Variants in GGPS1 observed in about 807,000 individuals in gnomAD.
The protein encoded by GGPS1 is geranylgeranyl diphosphate synthase 1.
Under a neutral mutation model 28.1 loss-of-function variants are expected in GGPS1, and 15 were observed. The ratio of observed to expected loss-of-function variants is 0.53; its 90% confidence interval spans 0.36 to 0.82. The LOEUF is 0.82. GGPS1 is among the 40% of genes least tolerant of loss of function. The pLI, the probability that GGPS1 is intolerant of heterozygous loss-of-function variation, is 0.01. For missense variants in GGPS1, 284 were observed against 348.3 expected (o/e 0.82, Z 1.47); for synonymous variants, 138 against 122.4 (o/e 1.13, Z -0.84).
intron 2 of GGPS1, among the ~76,000 whole-genome samples, chr1:235,339,529 A>C (rs1675967006): frequency 6.6e-6 from 1 of 151,660 alleles, no homozygotes; most frequent in African/African-American, 2.4e-5. Flanking sequence ...GGAGGCCAAC[A>C]CAGGTGAATT....
upstream of GGPS1, chr1:235,327,998 C>A (rs947321536): frequency 3.3e-5 from 5 of 152,828 alleles, no homozygotes; most frequent in East Asian, 7.7e-4. Context: ...AAATCCCCCC[C>A]GGACTGGAGG....
rs1676090465 is a variant in GGPS1 at position 235,342,715 on chromosome 1, T to A, written c.846T>A (p.Pro282=). The change falls in exon 4 of 4, where the codon CCT becomes CCA. Residue 282 remains proline, a synonymous_variant. Transcript: ENST00000282841. ...AGATTGATGCACGTGGTGGGAACCC[T>A]GAGCTAGTAGCCTTAGTAAAACACT... ...YKQIDARGGN[P]ELVALVKHLS... is the part of the protein sequence containing the mutation. 1.2e-6 allele frequency: 2 copies of A among 1,607,486 alleles called. No homozygotes were observed. Among genetic ancestry groups the A allele is most frequent in the East Asian group, 4.5e-5 (2 of 44,840 alleles).
rs1197670841 is a variant in GGPS1 at position 235,342,279 on chromosome 1, C to T, written c.410C>T (p.Thr137Ile). Residue 137 changes from threonine (T) to isoleucine (I), a missense_variant, in exon 4 of 4, where the codon ACT (threonine) becomes ATT (isoleucine). Thr to Ile is a moderately conservative substitution (Grantham distance 89). Transcript: ENST00000282841. ...GLDIYWRDNY[T>I]CPTEEEYKAM... ...GATATTTACTGGAGGGATAATTACA[C>T]TTGTCCCACTGAAGAAGAATATAAA... 2 of 1,614,036 alleles carry T rather than the reference C, an allele frequency of 1.2e-6. No individual in the cohort carries two copies. The highest frequency in any genetic ancestry group is 1.7e-6 in the Non-Finnish European group (2 of 1,179,902).
chr1:235,336,267 T>C (rs980283430), intron 2 of GGPS1, among the ~76,000 whole-genome samples: 1 of 152,154 alleles, frequency 6.6e-6, no homozygotes, highest in Admixed American at 6.6e-5. Flanking sequence ...GGCGCATGCC[T>C]GTAGTCCCAG....
intron 2 of GGPS1, among the ~76,000 whole-genome samples, chr1:235,338,814 C>G (rs548293251): frequency 2.0e-5 from 3 of 152,078 alleles, no homozygotes; most frequent in Non-Finnish European, 4.4e-5. Flanking sequence ...TGCAGTAGGC[C>G]GTGATTGTGC....
chr1:235,332,021 T>C (rs1675731789), intron 1 of GGPS1, among the ~76,000 whole-genome samples: 1 of 152,184 alleles, frequency 6.6e-6, no homozygotes, highest in South Asian at 2.1e-4. Context: ...GCTGGAAAAG[T>C]GGAATGCTAG....
At chr1:235,341,567 C>G (rs1004630495) in intron 2 of GGPS1, 141 bp from the exon 3 acceptor site, 10 of 670,574 alleles carry the variant, frequency 1.5e-5, no homozygotes. Flanking sequence ...AAGGCAAGCT[C>G]TGCAGTAGGT....
Position 235,344,501 on chromosome 1 carries a change from CAAATT to C in GGPS1, c.*1733_*1737del, listed in dbSNP as rs532916278. 117 of 167,082 alleles carry C rather than the reference CAAATT, an allele frequency of 7.0e-4. No individual in the cohort carries two copies. The highest frequency in any genetic ancestry group is 2.7e-3 in the African/African-American group (113 of 41,550). 10.3% of individuals were successfully genotyped at this position (167,082 alleles called of 1,614,324 possible). A position where few individuals can be genotyped will look rare whatever the true frequency, so the allele number is the denominator to read the frequency against. On this transcript the variant is annotated 3_prime_UTR_variant, in exon 4 of 4. Transcript: ENST00000282841. ...AAAAATCTAACACTGACTATAGAAACAAATTAAAATGTCTACCTTTAAGTATAAAA... is the reference window on the plus strand; with the variant it reads ...AAAAATCTAACACTGACTATAGAAACAAAATGTCTACCTTTAAGTATAAAA...
chr1:235,332,358 G>A (rs765367395), intron 1 of GGPS1, among the ~76,000 whole-genome samples: 1 of 152,098 alleles, frequency 6.6e-6, no homozygotes, highest in Non-Finnish European at 1.5e-5. Context: ...TACACTTAAG[G>A]TAAGGGCTAT....
At chr1:235,333,580 C>T (rs72758088) in intron 1 of GGPS1, among the ~76,000 whole-genome samples, 1 of 147,330 alleles carries the variant, frequency 6.8e-6, no homozygotes, top group Non-Finnish European at 1.5e-5. Flanking sequence ...AAAAAAAAAA[C>T]AAAAGGACCT....
intron 2 of GGPS1, among the ~76,000 whole-genome samples, chr1:235,339,488 A>C (rs1283718633): frequency 6.6e-6 from 1 of 151,776 alleles, no homozygotes. Context: ...ACAAACAAAC[A>C]AACAAAAAAA....
chr1:235,342,665 G>A lies in GGPS1; in HGVS notation c.796G>A (p.Glu266Lys), dbSNP rs1180023731. 6.8e-6 allele frequency: 11 copies of A among 1,611,362 alleles called. No individual in the cohort carries two copies. The South Asian group carries it at 1.1e-4, about 16-fold the overall frequency. ...TGAATACACTCGTAATACCCTTAAA[G>A]AGCTTGAAGCTAAAGCCTATAAACA... The part of the protein sequence containing the change: ...SFEYTRNTLK[E>K]LEAKAYKQID... Residue 266 changes from glutamate to lysine, a missense_variant, in exon 4 of 4, where the codon GAG (glutamate) becomes AAG (lysine). Glu to Lys is a moderately conservative substitution (Grantham distance 56, BLOSUM62 1). Transcript: ENST00000282841.
chr1:235,334,508 A>G (rs918042099), intron 1 of GGPS1, among the ~76,000 whole-genome samples: 1 of 152,228 alleles, frequency 6.6e-6, no homozygotes, highest in African/African-American at 2.4e-5. Context: ...TTTTTAGTGT[A>G]TTCACAGGGC....
intron 1 of GGPS1, among the ~76,000 whole-genome samples, chr1:235,334,926 T>C (rs1675822158): frequency 6.6e-6 from 1 of 152,052 alleles, no homozygotes; most frequent in Non-Finnish European, 1.5e-5. Flanking sequence ...TTAGTAGAGA[T>C]GGTGTGAAGG....
intron 2 of GGPS1, among the ~76,000 whole-genome samples, chr1:235,337,816 CAAA>C (rs112819918): frequency 7.8e-6 from 1 of 127,776 alleles, no homozygotes; most frequent in African/African-American, 2.8e-5. Context: ...GACACTGTCT[CAAA>C]AAAAAAAAAG....
At chr1:235,340,716 A>G (rs1313710273) in intron 2 of GGPS1, among the ~76,000 whole-genome samples, 1 of 135,650 alleles carries the variant, frequency 7.4e-6, no homozygotes, top group Admixed American at 8.0e-5. Flanking sequence ...AGCCTGGGCG[A>G]CAGAGCGAGA....
At chr1:235,328,987 G>A (rs1195959984) in intron 1 of GGPS1, 2 of 152,506 alleles carry the variant, frequency 1.3e-5, no homozygotes, top group East Asian at 3.9e-4. Flanking sequence ...GAGCGAGGAG[G>A]AAGCAGAAAC....
chr1:235,330,994 CTTCTT>C (rs768787210), intron 1 of GGPS1, among the ~76,000 whole-genome samples: 11 of 152,150 alleles, frequency 7.2e-5, no homozygotes, highest in South Asian at 2.1e-4. Context: ...TGTTTTGCAT[CTTCTT>C]TTCTTACTTC....
chr1:235,328,881 G>C (rs1675568615), intron 1 of GGPS1, 103 bp downstream of exon 1: 1 of 152,264 alleles, frequency 6.6e-6, no homozygotes, highest in East Asian at 1.9e-4. Context: ...GTGAGGACCC[G>C]GATGCTGAAC....
Sources: allele counts gnomAD v4.1 joint callset (sites outside exome capture counted in the v4.1 genomes callset), GRCh38; gene constraint gnomAD v4.1.1; transcripts MANE v1.5; gene names NCBI Gene and HGNC (gene_info 2026-07-23, HGNC 2026-07-21).